The following EIF2AK4 variants were observed in gnomAD, a reference collection of about 807,000 sequenced individuals.
EIF2AK4 encodes the protein eukaryotic translation initiation factor 2 alpha kinase 4.
In EIF2AK4, 139 loss-of-function variants were observed where a neutral mutation model predicts 211.1. That is an observed-to-expected ratio of 0.66 (90% CI 0.57 to 0.76). EIF2AK4 has a LOEUF of 0.76. Among genes scored for constraint, EIF2AK4 ranks in the 30% least tolerant of loss-of-function variants. The pLI, the probability that EIF2AK4 is intolerant of heterozygous loss-of-function variation, is 0.00. For missense variants in EIF2AK4, 1,664 were observed against 2,043.8 expected, an observed-to-expected ratio of 0.81 and a Z score of 3.58; for synonymous variants, 710 against 751.3, an observed-to-expected ratio of 0.94 and a Z score of 0.90.
chr15:40,031,345 A>C (rs1370911481), intron 35 of EIF2AK4, among the ~76,000 whole-genome samples: 1 of 152,256 alleles, frequency 6.6e-6, no homozygotes, highest in Non-Finnish European at 1.5e-5. Flanking sequence ...GAGAGCAGTC[A>C]ATTTTAGAAA....
chr15:39,992,527 G>T (rs2034957640), intron 17 of EIF2AK4: 5 of 578,350 alleles, frequency 8.6e-6, no homozygotes, highest in Non-Finnish European at 1.2e-5. Flanking sequence ...TGATCCATCT[G>T]GGGTCTTATC....
At chr15:39,984,195 T>C (rs2140923725) in intron 13 of EIF2AK4, among the ~76,000 whole-genome samples, 1 of 152,380 alleles carries the variant, frequency 6.6e-6, no homozygotes. Context: ...GCCTCTGTTC[T>C]GTTCCATTGG....
chr15:39,960,564 A>G (rs950273448), intron 6 of EIF2AK4, among the ~76,000 whole-genome samples: 4 of 152,076 alleles, frequency 2.6e-5, no homozygotes, highest in African/African-American at 9.7e-5. Flanking sequence ...GTGAGGGATA[A>G]ATAGTGCAGA....
intron 9 of EIF2AK4, among the ~76,000 whole-genome samples, chr15:39,972,535 C>CT (rs2034639647): frequency 6.6e-6 from 1 of 152,082 alleles, no homozygotes. Context: ...CTTTCGAAAG[C>CT]TTTATTTATA....
rs1165649525 is a variant in EIF2AK4, at chr15:39,967,707, C to G, written c.1381C>G (p.Gln461Glu). 1.9e-6 allele frequency: 3 copies of G among 1,614,052 alleles called. No homozygotes were observed. Among genetic ancestry groups the G allele is most frequent in the South Asian group, 1.1e-5 (1 of 91,088 alleles). The change falls in exon 9 of 39, where the codon CAA becomes GAA. Residue 461 changes from glutamine (Q) to glutamate (E), a missense_variant. By Grantham distance (29) the Gln-to-Glu change is conservative. Transcript: ENST00000263791. ...CATTTGCAAGGAGGATGTGTTTGAGCAAACCCGAGTTCGTTTTAGTGACAA... is the reference window on the plus strand; with the variant it reads ...CATTTGCAAGGAGGATGTGTTTGAGGAAACCCGAGTTCGTTTTAGTGACAA... ...ADICKEDVFE[Q>E]TRVRFSDNAL...
At chr15:39,943,049 T>C (rs1355107786) in intron 2 of EIF2AK4, among the ~76,000 whole-genome samples, 3 of 150,670 alleles carry the variant, frequency 2.0e-5, no homozygotes, top group African/African-American at 7.4e-5. Context: ...TTTTTTAAGG[T>C]GAAGAACTCA....
chr15:39,978,213 C>T, intron 13 of EIF2AK4, 66 bp downstream of exon 13: 1 of 922,286 alleles, frequency 1.1e-6, no homozygotes, highest in East Asian at 2.6e-5. Flanking sequence ...TGTCATAAAC[C>T]TTAGGTAAAG....
chr15:39,955,559 A>G lies in EIF2AK4; in HGVS notation c.595-61A>G, dbSNP rs1305746082. On this transcript the variant is annotated intron_variant, in intron 5 of 38. Coordinates refer to ENST00000263791, the MANE Select transcript of EIF2AK4 (RefSeq NM_001013703.4). ...TTCTATACTGAATTAATAATTATGT[A>G]CCATGATTTTCTTCCATGTATGACT... The G allele has an allele frequency of 5.3e-6, 8 of 1,511,862 alleles. No homozygotes were observed. The African/African-American group carries it at 7.1e-5, about 13-fold the overall frequency. 93.7% of individuals were successfully genotyped at this position (1,511,862 alleles called of 1,614,324 possible).
chr15:39,941,024 G>A (rs1455493473), intron 2 of EIF2AK4, among the ~76,000 whole-genome samples: 1 of 152,154 alleles, frequency 6.6e-6, no homozygotes, highest in African/African-American at 2.4e-5. Flanking sequence ...CCACATGGAA[G>A]TATTATGAAG....
chr15:40,002,819 C>G, intron 22 of EIF2AK4, 31 bp downstream of exon 22: 1 of 1,610,548 alleles, frequency 6.2e-7, no homozygotes, highest in Admixed American at 1.7e-5. Flanking sequence ...AATGATATTT[C>G]TTCTCATAAG....
intron 9 of EIF2AK4, among the ~76,000 whole-genome samples, chr15:39,970,485 A>G (rs1452571141): frequency 6.6e-6 from 1 of 152,194 alleles, no homozygotes; most frequent in Non-Finnish European, 1.5e-5. Context: ...ACAGTAGGAG[A>G]ATGTGTAAAT....
intron 1 of EIF2AK4, among the ~76,000 whole-genome samples, chr15:39,936,662 G>A (rs999061384): frequency 2.6e-5 from 4 of 152,012 alleles, no homozygotes; most frequent in Non-Finnish European, 5.9e-5. Context: ...CTCCCGCCTC[G>A]CCTCCCAAAG....
chr15:39,969,353 A>ATTTTTT (rs2034589358), intron 9 of EIF2AK4, among the ~76,000 whole-genome samples: 1 of 109,414 alleles, frequency 9.1e-6, no homozygotes, highest in Non-Finnish European at 1.8e-5. Flanking sequence ...ACAATTTCTT[A>ATTTTTT]TTCTTTTTTT....
At chr15:39,976,014 TAAA>T (rs908292370) in intron 11 of EIF2AK4, among the ~76,000 whole-genome samples, 1 of 151,484 alleles carries the variant, frequency 6.6e-6, no homozygotes, top group African/African-American at 2.4e-5. Flanking sequence ...ACTTTAAGTG[TAAA>T]AAAAAATCAG....
intron 3 of EIF2AK4, chr15:39,946,938 T>C (rs1367343577): frequency 7.5e-6 from 3 of 397,382 alleles, no homozygotes; most frequent in Non-Finnish European, 1.4e-5. Context: ...TCACACTTAA[T>C]AGACTACCAT....
chr15:39,955,262 C>T lies in EIF2AK4; in HGVS notation c.595-358C>T, dbSNP rs74011719. 6.5e-3 allele frequency among the ~76,000 whole-genome samples: 997 copies of T among 152,254 alleles called. 14 individuals are homozygous for T. Among genetic ancestry groups the T allele is most frequent in the African/African-American group, 0.022 (905 of 41,542 alleles). On this transcript the variant is annotated intron_variant, in intron 5 of 38. Coordinates refer to ENST00000263791, the MANE Select transcript of EIF2AK4 (RefSeq NM_001013703.4). ...TGAAACCATAACCTGGACTTCAGTTCTTGAGCCAGTACATATTTAGGCATT... is the reference window on the plus strand; with the variant it reads ...TGAAACCATAACCTGGACTTCAGTTTTTGAGCCAGTACATATTTAGGCATT...
At position 40,035,427 on chromosome 15, in the gene EIF2AK4, A is replaced by G. The variant is rs1438331965; in HGVS notation, c.*343A>G. ...GGCTGCAGTGAGCTGTGACTGCGCC[A>G]CTGCACTCCAGTCTGGGACAACAGA... On this transcript the variant is annotated 3_prime_UTR_variant, in exon 39 of 39. Transcript: ENST00000263791. The G allele has an allele frequency of 5.9e-6, 1 of 170,642 alleles. No homozygotes were observed. Among genetic ancestry groups the G allele is most frequent in the Non-Finnish European group, 1.2e-5 (1 of 81,446 alleles). 10.6% of individuals were successfully genotyped at this position (170,642 alleles called of 1,614,324 possible).
intron 29 of EIF2AK4, among the ~76,000 whole-genome samples, chr15:40,017,544 T>TAA (rs2035324804): frequency 1.4e-5 from 1 of 69,652 alleles, no homozygotes; most frequent in East Asian, 4.7e-4. Flanking sequence ...TATATATATA[T>TAA]ATATATATAT....
rs755208923 is a variant in EIF2AK4, at chr15:40,008,015, TTC to T, written c.3408-5_3408-4del. The T allele has an allele frequency of 4.6e-6, 7 of 1,514,218 alleles. No homozygotes were observed. The highest frequency in any genetic ancestry group is 6.2e-6 in the Non-Finnish European group (7 of 1,130,740). The allele number at this position is 1,514,218 out of a possible 1,614,324, so 93.8% of individuals were successfully genotyped here. ...AAGCAATGACCTTAGAAATCTGGGT[TTC>T]TCTCTCCAGATACTGCATAGAACGT... On this transcript the variant is annotated splice_polypyrimidine_tract_variant and intron_variant, in intron 24 of 38. Transcript: ENST00000263791.
Sources: gnomAD v4.1 joint callset for allele counts (sites outside exome capture counted in the v4.1 genomes callset) on GRCh38, gnomAD v4.1.1 for gene constraint, MANE v1.5 for transcripts, NCBI Gene and HGNC (gene_info 2026-07-23, HGNC 2026-07-21) for gene names.